AFTPH: variants seen among roughly 807,000 people sequenced by gnomAD.
AFTPH encodes the protein aftiphilin protein.
A neutral mutation model predicts 72.5 loss-of-function variants in AFTPH; 7 were observed. The observed-to-expected ratio is 0.10, with a 90% CI of 0.05 to 0.18. The LOEUF (loss-of-function observed/expected upper bound fraction) is 0.18. Among genes scored for constraint, AFTPH ranks in the 10% least tolerant of loss-of-function variants. The probability of loss-of-function intolerance (pLI) is 1.00; values close to 1 mark genes in which losing one functional copy is unlikely to be tolerated. For synonymous variants in AFTPH, 337 were observed against 370.1 expected, an observed-to-expected ratio of 0.91 and a Z score of 1.03; for missense variants, 979 against 1,060.5, an observed-to-expected ratio of 0.92 and a Z score of 1.07.
intron 1 of AFTPH, among the ~76,000 whole-genome samples, chr2:64,546,899 A>G (rs112660219): frequency 1.3e-5 from 2 of 151,724 alleles, no homozygotes; most frequent in South Asian, 2.1e-4. Context: ...AAAAAAAAAA[A>G]TTAGCCAGGC....
At chr2:64,545,663 A>C (rs932176590) in intron 1 of AFTPH, among the ~76,000 whole-genome samples, 1 of 147,438 alleles carries the variant, frequency 6.8e-6, no homozygotes, top group African/African-American at 2.5e-5. Flanking sequence ...CGAGGACATT[A>C]CACTGAGTGA....
intron 5 of AFTPH, among the ~76,000 whole-genome samples, chr2:64,571,240 A>G (rs974226816): frequency 1.3e-5 from 2 of 150,104 alleles, no homozygotes; most frequent in African/African-American, 5.0e-5. Flanking sequence ...GACTTGTTAA[A>G]ACACAAATTG....
exon 2 of AFTPH, chr2:64,552,385 T>C: frequency 6.2e-7 from 1 of 1,614,008 alleles, no homozygotes; most frequent in Non-Finnish European, 8.5e-7. Flanking sequence ...GAAATAAGCA[T>C]AGTGACTAAC....
At chr2:64,557,345 A>T (rs937584842) in intron 2 of AFTPH, among the ~76,000 whole-genome samples, 2 of 152,206 alleles carry the variant, frequency 1.3e-5, no homozygotes, top group Non-Finnish European at 2.9e-5. Flanking sequence ...GTTATTTTTT[A>T]TTAGACATCC....
chr2:64,530,167 A>C (rs553070428), intron 1 of AFTPH, among the ~76,000 whole-genome samples: 236 of 152,250 alleles, frequency 1.6e-3, no homozygotes, highest in African/African-American at 5.4e-3. Context: ...ACAACAACAA[A>C]AAAAAGCAAA....
chr2:64,588,547 T>C (rs953875014), intron 8 of AFTPH, among the ~76,000 whole-genome samples: 3 of 152,220 alleles, frequency 2.0e-5, no homozygotes, highest in Non-Finnish European at 2.9e-5. Context: ...ACCAGTAATA[T>C]ACATTCCAAG....
intron 6 of AFTPH, among the ~76,000 whole-genome samples, chr2:64,575,567 T>G (rs1369858967): frequency 6.6e-6 from 1 of 151,822 alleles, no homozygotes; most frequent in African/African-American, 2.4e-5. Context: ...CAGTGAGCCA[T>G]GTTCACACCA....
At chr2:64,537,406 T>C (rs1281924792) in intron 1 of AFTPH, among the ~76,000 whole-genome samples, 1 of 152,178 alleles carries the variant, frequency 6.6e-6, no homozygotes, top group Non-Finnish European at 1.5e-5. Flanking sequence ...AACCTGCACA[T>C]GTACCCCTGA....
intron 8 of AFTPH, among the ~76,000 whole-genome samples, chr2:64,589,741 G>C (rs1673707518): frequency 6.6e-6 from 1 of 152,042 alleles, no homozygotes; most frequent in South Asian, 2.1e-4. Flanking sequence ...CCACAAATGG[G>C]AAAGTCCATT....
intron 1 of AFTPH, among the ~76,000 whole-genome samples, chr2:64,539,918 G>A (rs181591130): frequency 6.6e-5 from 10 of 152,292 alleles, no homozygotes; most frequent in Non-Finnish European, 1.5e-4. Context: ...AGGGCGCACA[G>A]AAGAGAGGAT....
chr2:64,539,933 TTTTGTTTTGTTTTGTTCTGA>T (rs1670126994), intron 1 of AFTPH, among the ~76,000 whole-genome samples: 1 of 151,014 alleles, frequency 6.6e-6, no homozygotes, highest in Admixed American at 6.6e-5. Context: ...GAGGATTCTG[TTTTGTTTTGTTTTGTTCTGA>T]TTTGTTTTGA....
At chr2:64,591,166 G>A (rs1673804349) in intron 8 of AFTPH, among the ~76,000 whole-genome samples, 1 of 152,176 alleles carries the variant, frequency 6.6e-6, no homozygotes, top group Non-Finnish European at 1.5e-5. Context: ...TTTCTTGTCT[G>A]TGTTAGGCAC....
chr2:64,589,376 T>C (rs868711217), intron 8 of AFTPH, among the ~76,000 whole-genome samples: 7 of 152,198 alleles, frequency 4.6e-5, no homozygotes, highest in Non-Finnish European at 8.8e-5. Context: ...TCCTGGACTC[T>C]CAATTATATT....
chr2:64,576,115 ACACGTG>A (rs1672775133), intron 6 of AFTPH, among the ~76,000 whole-genome samples: 1 of 116,544 alleles, frequency 8.6e-6, no homozygotes, highest in African/African-American at 4.5e-5. Flanking sequence ...ACACACACAC[ACACGTG>A]TGTCATACAA....
At chr2:64,552,523 A>C in exon 2 of AFTPH, 2 of 1,613,844 alleles carry the variant, frequency 1.2e-6, no homozygotes, top group African/African-American at 2.7e-5. Context: ...ATTAGGAGAG[A>C]ACAATGTAAA....
chr2:64,587,944 CTT>C (rs869259294), intron 8 of AFTPH, among the ~76,000 whole-genome samples: 1 of 143,196 alleles, frequency 7.0e-6, no homozygotes, highest in African/African-American at 2.8e-5. Flanking sequence ...AAATTTTATT[CTT>C]TTTTAGGCCT....
chr2:64,567,471 C>CA, intron 2 of AFTPH, 91 bp from the exon 3 acceptor site: 3 of 1,318,116 alleles, frequency 2.3e-6, no homozygotes, highest in South Asian at 3.0e-5. Context: ...CAGTAGTGGA[C>CA]AGGGTGTGCG....
At chr2:64,524,475 G>C (rs1669124742) in exon 1 of AFTPH, 1 of 401,610 alleles carries the variant, frequency 2.5e-6, no homozygotes, top group East Asian at 3.6e-5. Flanking sequence ...CCATGGTGCT[G>C]CTGCGCTGAC....
At chr2:64,528,432 A>G (rs1669411569) in intron 1 of AFTPH, among the ~76,000 whole-genome samples, 1 of 152,250 alleles carries the variant, frequency 6.6e-6, no homozygotes, top group African/African-American at 2.4e-5. Flanking sequence ...GTACTCACAC[A>G]TTTGTGTACA....
Sources: gnomAD v4.1 joint callset for allele counts (sites outside exome capture counted in the v4.1 genomes callset) on GRCh38, gnomAD v4.1.1 for gene constraint, MANE v1.5 for transcripts, NCBI Gene and HGNC (gene_info 2026-07-23, HGNC 2026-07-21) for gene names.